Variants in ANKRD13C observed in about 807,000 individuals in gnomAD.
ANKRD13C encodes ankyrin repeat domain-containing protein 13C.
ANKRD13C carries 16 observed loss-of-function variants against 65.5 expected under a neutral mutation model. That is an observed-to-expected ratio of 0.24 (90% CI 0.17 to 0.37). The LOEUF (loss-of-function observed/expected upper bound fraction) is 0.37, where lower values mean the gene tolerates loss of function less well. Among genes scored for constraint, ANKRD13C ranks in the 10% least tolerant of loss-of-function variants. The pLI is 1.00. For synonymous variants in ANKRD13C, 235 were observed against 238.7 expected, an observed-to-expected ratio of 0.98 and a Z score of 0.14; for missense variants, 503 against 655.9, an observed-to-expected ratio of 0.77 and a Z score of 2.55.
chr1:70,281,253 C>T (rs1679374443), intron 9 of ANKRD13C, among the ~76,000 whole-genome samples: 1 of 152,172 alleles, frequency 6.6e-6, no homozygotes, highest in South Asian at 2.1e-4. Flanking sequence ...TCAGAGATTG[C>T]TAGTTGTCTC....
At chr1:70,280,451 T>C (rs1051057381) in intron 9 of ANKRD13C, among the ~76,000 whole-genome samples, 1 of 152,138 alleles carries the variant, frequency 6.6e-6, no homozygotes, top group African/African-American at 2.4e-5. Context: ...TGAAGATTAG[T>C]AGTAAGAGAA....
intron 1 of ANKRD13C, among the ~76,000 whole-genome samples, chr1:70,342,504 T>G (rs920990943): frequency 2.6e-5 from 4 of 151,900 alleles, no homozygotes; most frequent in African/African-American, 9.7e-5. Flanking sequence ...CCCATTGCAC[T>G]CCAGCCTGGG....
chr1:70,320,577 CACCT>C (rs1681263188), intron 3 of ANKRD13C, among the ~76,000 whole-genome samples: 1 of 151,882 alleles, frequency 6.6e-6, no homozygotes, highest in Admixed American at 6.6e-5. Flanking sequence ...TCAAGCGACC[CACCT>C]GTCTCGGCCT....
Position 70,354,688 on chromosome 1 carries a change from C to T in ANKRD13C, c.-280G>A. Reference sequence around the variant, plus strand: ...TCGCAGCCGCCGTCGCTGCCTTACACCGAAAAACAGGGCACGGCCATCTTC... The same window carrying T: ...TCGCAGCCGCCGTCGCTGCCTTACATCGAAAAACAGGGCACGGCCATCTTC... On this transcript the variant is annotated 5_prime_UTR_variant, in exon 1 of 13. In the 5' UTR this introduces an upstream ATG that the reference lacks. Coordinates refer to ENST00000370944, the MANE Select transcript of ANKRD13C (RefSeq NM_030816.5). 5 of 785,202 alleles carry T rather than the reference C, an allele frequency of 6.4e-6. No individual in the cohort carries two copies. Among genetic ancestry groups the T allele is most frequent in the South Asian group, 3.8e-5 (2 of 53,292 alleles). 48.6% of individuals were successfully genotyped at this position (785,202 alleles called of 1,614,324 possible).
At chr1:70,296,349 G>A (rs1680081357) in intron 7 of ANKRD13C, 88 bp from the exon 8 acceptor site, 1 of 1,310,762 alleles carries the variant, frequency 7.6e-7, no homozygotes, top group African/African-American at 1.5e-5. Flanking sequence ...AATTATAATG[G>A]TACCAATTTT....
chr1:70,319,903 G>A (rs536619975), intron 3 of ANKRD13C, among the ~76,000 whole-genome samples: 23 of 151,942 alleles, frequency 1.5e-4, no homozygotes, highest in African/African-American at 5.6e-4. Flanking sequence ...AAAGTTAATG[G>A]CACATCCTGA....
intron 4 of ANKRD13C, among the ~76,000 whole-genome samples, chr1:70,314,571 A>G (rs1680993974): frequency 6.6e-6 from 1 of 152,096 alleles, no homozygotes; most frequent in Non-Finnish European, 1.5e-5. Flanking sequence ...ACCAAAGATT[A>G]TAACTGTTAA....
chr1:70,269,491 G>A (rs56297507), intron 12 of ANKRD13C, among the ~76,000 whole-genome samples: 14,327 of 152,140 alleles, frequency 0.094, 786 homozygotes, highest in South Asian at 0.22. Flanking sequence ...TCTAAAACTC[G>A]AAATATTTCC....
chr1:70,341,307 C>T (rs1682296671), intron 1 of ANKRD13C, among the ~76,000 whole-genome samples: 3 of 150,620 alleles, frequency 2.0e-5, no homozygotes, highest in Non-Finnish European at 4.4e-5. Flanking sequence ...GCATTTAATC[C>T]AGTTTCACAT....
At chr1:70,293,815 T>C (rs1234277908) in intron 8 of ANKRD13C, among the ~76,000 whole-genome samples, 1 of 152,322 alleles carries the variant, frequency 6.6e-6, no homozygotes, top group Admixed American at 6.5e-5. Context: ...TGAAACCTTA[T>C]AATGAAAAAC....
In ANKRD13C at chr1:70,346,759, C is replaced by A. The variant is rs1682541331; in HGVS notation, c.430+7220G>T. 2.0e-5 allele frequency among the ~76,000 whole-genome samples: 3 copies of A among 152,130 alleles called. 1 individual carries two copies. Among genetic ancestry groups the A allele is most frequent in the South Asian group, 2.1e-4 (1 of 4,834 alleles). On this transcript the variant is annotated intron_variant, in intron 1 of 12. Transcript: ENST00000370944. Reference sequence around the variant, plus strand: ...CAACTATAGTAGCTTTTTATACTGACCCTTGCCTCACACAACAGCCCGAGT... The same window carrying A: ...CAACTATAGTAGCTTTTTATACTGAACCTTGCCTCACACAACAGCCCGAGT...
chr1:70,299,943 A>G (rs992899093), intron 7 of ANKRD13C, among the ~76,000 whole-genome samples: 7 of 152,218 alleles, frequency 4.6e-5, no homozygotes, highest in African/African-American at 1.7e-4. Flanking sequence ...AGGGCATATC[A>G]ATGGTTTTTT....
intron 1 of ANKRD13C, among the ~76,000 whole-genome samples, chr1:70,345,255 C>T (rs1682476454): frequency 6.6e-6 from 1 of 151,990 alleles, no homozygotes; most frequent in Admixed American, 6.6e-5. Context: ...TATGGAGAAA[C>T]CCCGTCTCTA....
At chr1:70,278,039 A>T (rs902328887) in intron 9 of ANKRD13C, among the ~76,000 whole-genome samples, 5 of 151,330 alleles carry the variant, frequency 3.3e-5, no homozygotes, top group Non-Finnish European at 5.9e-5. Flanking sequence ...AAAAAAAAAA[A>T]TTAGCTGAGT....
intron 9 of ANKRD13C, among the ~76,000 whole-genome samples, chr1:70,289,819 C>A (rs908475816): frequency 2.0e-5 from 3 of 152,062 alleles, no homozygotes; most frequent in Non-Finnish European, 2.9e-5. Flanking sequence ...ACCACCAACA[C>A]AACAAAATCA....
At position 70,336,116 on chromosome 1, in the gene ANKRD13C, A is replaced by T. The variant is rs746185116; in HGVS notation, c.431-17T>A. 5.8e-6 allele frequency: 4 copies of T among 685,282 alleles called. No homozygotes were observed. The highest frequency in any genetic ancestry group is 9.2e-5 in the Admixed American group (2 of 21,802). The allele number at this position is 685,282 out of a possible 1,614,324, so 42.5% of individuals were successfully genotyped here. On this transcript the variant is annotated splice_polypyrimidine_tract_variant and intron_variant, in intron 1 of 12. Coordinates refer to ENST00000370944, the MANE Select transcript of ANKRD13C (RefSeq NM_030816.5). ...GAGTATTTCCTAAAAAAAATAAAAT[A>T]AAATAAATAAATTAGAAGGTGTAAA...
In ANKRD13C at chr1:70,354,230, C is replaced by G. The variant is rs1300126646; in HGVS notation, c.179G>C (p.Arg60Pro). ...CHKIFSNHHH[R>P]LQLKAAPASS... ...GGCCGGAGCTGCCTTCAGCTGTAGC[C>G]GGTGGTGATGGTTACTGAAGATCTT... The change falls in exon 1 of 13, where the codon CGG becomes CCG. Residue 60 changes from arginine to proline, a missense_variant. By Grantham distance (103) the Arg-to-Pro change is moderately radical. Around this residue, in one of 2 missense-constraint regions of ANKRD13C, gnomAD observed 203 missense variants for 177.6 expected, o/e 1.14. Coordinates refer to ENST00000370944, the MANE Select transcript of ANKRD13C (RefSeq NM_030816.5). 13 of 1,613,490 alleles carry G rather than the reference C, an allele frequency of 8.1e-6. No homozygotes were observed. The highest frequency in any genetic ancestry group is 1.1e-5 in the Non-Finnish European group (13 of 1,180,026).
Position 70,337,821 on chromosome 1 carries a change from C to T in ANKRD13C, c.431-1722G>A, listed in dbSNP as rs769585987. On this transcript the variant is annotated intron_variant, in intron 1 of 12. Coordinates refer to ENST00000370944, the MANE Select transcript of ANKRD13C (RefSeq NM_030816.5). ...TGCAATGAAGAAAGCATCTTTCAGCCGGGCACGGTGGCTCACGCCTGTAAT... is the reference window on the plus strand; with the variant it reads ...TGCAATGAAGAAAGCATCTTTCAGCTGGGCACGGTGGCTCACGCCTGTAAT... Among the ~76,000 whole-genome samples, 42 of 152,192 alleles carry T rather than the reference C, an allele frequency of 2.8e-4. No homozygotes were observed. In the East Asian group the frequency reaches 4.3e-3, roughly 15 times the overall value.
chr1:70,273,493 T>C (rs1678986166), intron 11 of ANKRD13C, among the ~76,000 whole-genome samples: 1 of 152,190 alleles, frequency 6.6e-6, no homozygotes, highest in Admixed American at 6.5e-5. Context: ...TTGGAGAGGA[T>C]ATATTCAATA....
Sources: allele counts gnomAD v4.1 joint callset (sites outside exome capture counted in the v4.1 genomes callset), GRCh38; gene constraint gnomAD v4.1.1; regional missense constraint gnomAD v4.1.1; transcripts MANE v1.5; gene names NCBI Gene and HGNC (gene_info 2026-07-23, HGNC 2026-07-21).